Variants in GAB3 observed in about 807,000 individuals in gnomAD.
GAB3 encodes the protein GRB2 associated binding protein 3.
GAB3 carries 12 observed loss-of-function variants against 40.4 expected under a neutral mutation model. The ratio of observed to expected loss-of-function variants is 0.30; its 90% CI spans 0.19 to 0.48. GAB3 has a LOEUF of 0.48. GAB3 is among the 20% of genes least tolerant of loss of function. The probability of loss-of-function intolerance (pLI) is 0.99; values close to 1 mark genes in which losing one functional copy is unlikely to be tolerated. For synonymous variants in GAB3, 154 were observed against 176.7 expected (o/e 0.87, Z 1.02); for missense variants, 381 against 461.9 (o/e 0.82, Z 1.61).
intron 1 of GAB3, among the ~76,000 whole-genome samples, chrX:154,718,345 C>G (rs1478520402): frequency 4.6e-5 from 5 of 108,944 alleles, no homozygotes; most frequent in African/African-American, 1.7e-4. Context: ...GGCAGGTGAA[C>G]CCTGGTTTGC....
intron 4 of GAB3, 87 bp from the exon 5 acceptor site, chrX:154,700,146 C>T: frequency 1.4e-6 from 1 of 739,614 alleles, no homozygotes; most frequent in Middle Eastern, 3.0e-4. Context: ...CATAACACAA[C>T]AGTTGCTATT....
intron 1 of GAB3, among the ~76,000 whole-genome samples, chrX:154,745,026 A>C (rs2071505143): frequency 8.9e-6 from 1 of 112,256 alleles, no homozygotes; most frequent in Non-Finnish European, 1.9e-5. Context: ...GATGCACCTA[A>C]AGTAGTGCTT....
intron 8 of GAB3, among the ~76,000 whole-genome samples, chrX:154,690,342 A>G (rs1229165085): frequency 8.9e-6 from 1 of 112,379 alleles, no homozygotes; most frequent in African/African-American, 3.2e-5. Flanking sequence ...ATTACCATTC[A>G]GGACACAGGC....
chrX:154,729,091 G>A (rs2071257106), intron 1 of GAB3, among the ~76,000 whole-genome samples: 1 of 111,924 alleles, frequency 8.9e-6, no homozygotes, highest in African/African-American at 3.2e-5. Flanking sequence ...AGGGAACTGG[G>A]GGGAAAAGGT....
chrX:154,684,089 C>T (rs924771955), intron 8 of GAB3, among the ~76,000 whole-genome samples: 4 of 111,910 alleles, frequency 3.6e-5, no homozygotes, highest in East Asian at 2.8e-4. Context: ...CATTTGTGTA[C>T]GAGTATTTGG....
At chrX:154,696,655 A>G (rs2070663167) in intron 7 of GAB3, among the ~76,000 whole-genome samples, 1 of 112,129 alleles carries the variant, frequency 8.9e-6, no homozygotes, top group Non-Finnish European at 1.9e-5. Context: ...CCCTTGTCCT[A>G]CCCCATTCAC....
At chrX:154,700,801 A>G (rs1557252090) in intron 4 of GAB3, among the ~76,000 whole-genome samples, 1 of 111,069 alleles carries the variant, frequency 9.0e-6, no homozygotes, top group Non-Finnish European at 1.9e-5. Context: ...TGCTCCCAGC[A>G]TGTGGTGGCC....
chrX:154,701,297 G>A (rs1639132686), intron 4 of GAB3, among the ~76,000 whole-genome samples: 2 of 112,398 alleles, frequency 1.8e-5, no homozygotes, highest in African/African-American at 6.5e-5. Context: ...GGACTTGCAT[G>A]TGTGAGCACA....
intron 1 of GAB3, among the ~76,000 whole-genome samples, chrX:154,750,295 C>A (rs146014502): frequency 8.9e-6 from 1 of 112,224 alleles, no homozygotes; most frequent in Non-Finnish European, 1.9e-5. Flanking sequence ...CATCTTAAAA[C>A]GGTAATGGAA....
In GAB3 at chrX:154,678,123, A is replaced by C; in HGVS notation, c.*55T>G. The C allele has an allele frequency of 3.1e-6, 2 of 644,758 alleles. No homozygotes were observed. The highest frequency in any genetic ancestry group is 2.4e-6 in the Non-Finnish European group (1 of 411,658). 53.1% of individuals were successfully genotyped at this position (644,758 alleles called of 1,213,427 possible). A position where few individuals can be genotyped will look rare whatever the true frequency, so the allele number is the denominator to read the frequency against. Reference sequence around the variant, plus strand: ...GACAAAAAAAAAAAAAAAAGAAAAAACTCAAACTGAGCCCCAAGCTTCCCT... The same window carrying C: ...GACAAAAAAAAAAAAAAAAGAAAAACCTCAAACTGAGCCCCAAGCTTCCCT... On this transcript the variant is annotated 3_prime_UTR_variant, in exon 10 of 10. Coordinates refer to ENST00000424127, the MANE Select transcript of GAB3 (RefSeq NM_001081573.3).
intron 8 of GAB3, among the ~76,000 whole-genome samples, chrX:154,686,634 T>C (rs1375842289): frequency 9.5e-6 from 1 of 105,618 alleles, no homozygotes; most frequent in African/African-American, 3.5e-5. Flanking sequence ...TCTCACTTTG[T>C]TGCCCAGGCT....
intron 1 of GAB3, among the ~76,000 whole-genome samples, chrX:154,721,309 G>A (rs906239661): frequency 8.9e-6 from 1 of 112,363 alleles, no homozygotes; most frequent in Admixed American, 9.4e-5. Flanking sequence ...AACAATATTA[G>A]TTTATTTTGC....
intron 1 of GAB3, among the ~76,000 whole-genome samples, chrX:154,741,514 A>G (rs1178907486): frequency 1.5e-4 from 16 of 109,252 alleles, no homozygotes; most frequent in African/African-American, 5.3e-4. Context: ...CATCTCTGCT[A>G]AAAATACAGA....
At chrX:154,695,846 C>T in intron 8 of GAB3, 71 bp downstream of exon 8, 1 of 613,083 alleles carries the variant, frequency 1.6e-6, no homozygotes, top group East Asian at 3.4e-5. Context: ...GGATGTGTTT[C>T]CTTTACAATG....
At chrX:154,691,903 G>A (rs1338323201) in intron 8 of GAB3, among the ~76,000 whole-genome samples, 8 of 111,647 alleles carry the variant, frequency 7.2e-5, no homozygotes, top group African/African-American at 1.6e-4. Context: ...AGGACCATTC[G>A]ACATGGAAAG....
intron 1 of GAB3, among the ~76,000 whole-genome samples, chrX:154,720,981 C>T (rs781830246): frequency 2.7e-5 from 3 of 111,636 alleles, no homozygotes; most frequent in Middle Eastern, 4.6e-3. Flanking sequence ...CAGAAGCCAG[C>T]CTGTAGAAAA....
chrX:154,703,050 T>A (rs781967383), intron 4 of GAB3, among the ~76,000 whole-genome samples: 7 of 112,299 alleles, frequency 6.2e-5, no homozygotes, highest in Non-Finnish European at 9.4e-5. Flanking sequence ...AAACTGTTTT[T>A]GGGAATGTAA....
At chrX:154,717,432 G>T (rs1339406730) in intron 1 of GAB3, among the ~76,000 whole-genome samples, 3 of 111,604 alleles carry the variant, frequency 2.7e-5, no homozygotes, top group African/African-American at 9.8e-5. Context: ...CCCCTGTTTT[G>T]AAACACTGTA....
At chrX:154,679,828 A>G (rs782179237) in intron 9 of GAB3, among the ~76,000 whole-genome samples, 95 of 111,630 alleles carry the variant, frequency 8.5e-4, no homozygotes, top group Non-Finnish European at 1.6e-3. Context: ...CTACACCTGG[A>G]GGGTCCTCTA....
Sources: gnomAD v4.1 joint callset for allele counts (sites outside exome capture counted in the v4.1 genomes callset) on GRCh38, gnomAD v4.1.1 for gene constraint, MANE v1.5 for transcripts, NCBI Gene and HGNC (gene_info 2026-07-23, HGNC 2026-07-21) for gene names.